The following PLD5 variants were observed in gnomAD, a reference collection of about 807,000 sequenced individuals.
PLD5 encodes inactive phospholipase D5.
In PLD5, 36 loss-of-function variants were observed where a neutral mutation model predicts 61.1. The ratio of observed to expected loss-of-function variants is 0.59; its 90% CI spans 0.45 to 0.78. The LOEUF (loss-of-function observed/expected upper bound fraction) is 0.78. PLD5 is among the 30% of genes least tolerant of loss of function. The probability of loss-of-function intolerance (pLI) is 0.00; values close to 1 mark genes in which losing one functional copy is unlikely to be tolerated. For synonymous variants in PLD5, 243 were observed against 242.8 expected (o/e 1.00, Z -0.01); for missense variants, 515 against 644.4 (o/e 0.80, Z 2.17).
At chr1:242,143,759 T>C (rs116124646) in intron 5 of PLD5, among the ~76,000 whole-genome samples, 1 of 152,174 alleles carries the variant, frequency 6.6e-6, no homozygotes, top group African/African-American at 2.4e-5. Context: ...TGTAAACACA[T>C]GACTAGAGGG....
intron 1 of PLD5, among the ~76,000 whole-genome samples, chr1:242,447,480 A>G (rs1214351527): frequency 1.3e-5 from 2 of 152,272 alleles, no homozygotes; most frequent in African/African-American, 4.8e-5. Flanking sequence ...CTTACTCACT[A>G]AAATGAAAGG....
In PLD5 at chr1:242,099,757, T is replaced by C. The variant is rs536145126; in HGVS notation, c.1354+911A>G. Among the ~76,000 whole-genome samples, 29 of 152,374 alleles carry C rather than the reference T, an allele frequency of 1.9e-4. 2 individuals carry two copies. In the South Asian group the frequency reaches 5.2e-3, roughly 27 times the overall value. On this transcript the variant is annotated intron_variant, in intron 9 of 9. Coordinates refer to ENST00000536534, the MANE Select transcript of PLD5 (RefSeq NM_001372062.1). Reference sequence around the variant, plus strand: ...AAAGTTAAAAGGGTACATTTTTTACTCACTGAATTTGAAAAAAAGAAATTG... The same window carrying C: ...AAAGTTAAAAGGGTACATTTTTTACCCACTGAATTTGAAAAAAAGAAATTG...
chr1:242,175,886 A>G (rs1667107695), intron 5 of PLD5, among the ~76,000 whole-genome samples: 1 of 152,190 alleles, frequency 6.6e-6, no homozygotes, highest in African/African-American at 2.4e-5. Flanking sequence ...AAGGGGTGTA[A>G]AGGACCTCTT....
At chr1:242,195,022 T>C (rs1051293224) in intron 5 of PLD5, among the ~76,000 whole-genome samples, 1 of 151,572 alleles carries the variant, frequency 6.6e-6, no homozygotes, top group African/African-American at 2.4e-5. Flanking sequence ...CAAAAACCTA[T>C]GGAAATTAAA....
At chr1:242,453,771 CCACCCCT>C (rs1401265432) in intron 1 of PLD5, among the ~76,000 whole-genome samples, 1 of 152,168 alleles carries the variant, frequency 6.6e-6, no homozygotes, top group Non-Finnish European at 1.5e-5. Context: ...TGACACCTGT[CCACCCCT>C]CTCTCATAAA....
At chr1:242,390,904 G>C (rs1191266638) in intron 1 of PLD5, among the ~76,000 whole-genome samples, 6 of 151,956 alleles carry the variant, frequency 3.9e-5, no homozygotes, top group Admixed American at 3.9e-4. Flanking sequence ...TCAAAGTTGT[G>C]ACTCTGGGCC....
intron 1 of PLD5, among the ~76,000 whole-genome samples, chr1:242,405,664 C>A (rs1230490085): frequency 6.6e-6 from 1 of 151,344 alleles, no homozygotes; most frequent in Non-Finnish European, 1.5e-5. Flanking sequence ...TGCAATGGCA[C>A]AATCTCGCCT....
intron 1 of PLD5, among the ~76,000 whole-genome samples, chr1:242,378,062 T>C (rs755075493): frequency 2.0e-5 from 3 of 152,148 alleles, no homozygotes; most frequent in Non-Finnish European, 2.9e-5. Context: ...CAGAGAAATG[T>C]ACAACAATGT....
At chr1:242,348,797 G>A (rs1660288322) in intron 1 of PLD5, among the ~76,000 whole-genome samples, 1 of 152,188 alleles carries the variant, frequency 6.6e-6, no homozygotes, top group Non-Finnish European at 1.5e-5. Flanking sequence ...GCTCATGCCT[G>A]TAATCCTAGC....
intron 3 of PLD5, among the ~76,000 whole-genome samples, chr1:242,287,872 C>T (rs149507180): frequency 0.057 from 8,688 of 152,126 alleles, 298 homozygotes; most frequent in Middle Eastern, 0.11. Context: ...CATCCAAATA[C>T]GACAGTCGAG....
chr1:242,410,348 C>T (rs1381083418), intron 1 of PLD5, among the ~76,000 whole-genome samples: 4 of 152,164 alleles, frequency 2.6e-5, no homozygotes, highest in Non-Finnish European at 5.9e-5. Flanking sequence ...ACAGTTATAC[C>T]TGGACAGACA....
At chr1:242,202,569 G>A (rs1055863391) in intron 5 of PLD5, among the ~76,000 whole-genome samples, 4 of 152,144 alleles carry the variant, frequency 2.6e-5, no homozygotes, top group Non-Finnish European at 4.4e-5. Context: ...GAGCTAACTC[G>A]AGAGAGGCTG....
In PLD5 at chr1:242,156,940, A is replaced by G. The variant is rs140076933; in HGVS notation, c.736-32275T>C. Among the ~76,000 whole-genome samples, 37 of 152,200 alleles carry G rather than the reference A, an allele frequency of 2.4e-4. No homozygotes were observed. The East Asian group carries it at 7.1e-3, about 29-fold the overall frequency. ...GGAAGTTCTCCTGGATGATAACCTG[A>G]AGAGTGTTTTCCAACTTGGTTCCAT... On this transcript the variant is annotated intron_variant, in intron 5 of 9. Coordinates refer to ENST00000536534, the MANE Select transcript of PLD5 (RefSeq NM_001372062.1).
At chr1:242,173,238 C>G (rs1666878260) in intron 5 of PLD5, among the ~76,000 whole-genome samples, 2 of 152,172 alleles carry the variant, frequency 1.3e-5, no homozygotes, top group African/African-American at 2.4e-5. Flanking sequence ...GCAAAAATCA[C>G]AAGCATTCCT....
At chr1:242,213,516 GGTCA>G (rs1213291324) in intron 5 of PLD5, among the ~76,000 whole-genome samples, 1 of 151,822 alleles carries the variant, frequency 6.6e-6, no homozygotes, top group Non-Finnish European at 1.5e-5. Context: ...CTAACGTCCC[GGTCA>G]GTAAGACCTC....
chr1:242,236,270 A>G (rs543287544), intron 4 of PLD5, among the ~76,000 whole-genome samples: 2 of 152,292 alleles, frequency 1.3e-5, no homozygotes, highest in East Asian at 3.9e-4. Flanking sequence ...TATCCAGTCT[A>G]TGGTATTTTG....
At chr1:242,341,304 G>A (rs1659819914) in intron 2 of PLD5, among the ~76,000 whole-genome samples, 1 of 151,784 alleles carries the variant, frequency 6.6e-6, no homozygotes, top group Non-Finnish European at 1.5e-5. Flanking sequence ...AATACTAGGA[G>A]GTAATTGTCA....
intron 1 of PLD5, among the ~76,000 whole-genome samples, chr1:242,496,605 A>G (rs1328652659): frequency 6.6e-6 from 1 of 152,224 alleles, no homozygotes; most frequent in Non-Finnish European, 1.5e-5. Flanking sequence ...AAAGTTACCA[A>G]TATTGTCATT....
At chr1:242,311,719 C>A (rs1430939718) in intron 2 of PLD5, among the ~76,000 whole-genome samples, 2 of 152,116 alleles carry the variant, frequency 1.3e-5, no homozygotes, top group African/African-American at 4.8e-5. Flanking sequence ...TCTCAGATTT[C>A]TTTGAGCTTC....
Sources: gnomAD v4.1 joint callset for allele counts (sites outside exome capture counted in the v4.1 genomes callset) on GRCh38, gnomAD v4.1.1 for gene constraint, MANE v1.5 for transcripts, NCBI Gene and HGNC (gene_info 2026-07-23, HGNC 2026-07-21) for gene names.